CALCR: variants seen among roughly 807,000 people sequenced by gnomAD.
CALCR encodes the protein calcitonin receptor.
Under a neutral mutation model 59.5 loss-of-function variants are expected in CALCR, and 47 were observed. The observed-to-expected ratio is 0.79, with a 90% CI of 0.63 to 1.01. The LOEUF (loss-of-function observed/expected upper bound fraction) is 1.01, where lower values mean the gene tolerates loss of function less well. Among genes scored for constraint, CALCR ranks in the 50% least tolerant of loss-of-function variants. The pLI is 0.00. For synonymous variants in CALCR, 213 were observed against 211.3 expected (o/e 1.01, Z -0.07); for missense variants, 566 against 597.1 (o/e 0.95, Z 0.54).
At chr7:93,510,472 T>G (rs1801522070) in intron 2 of CALCR, among the ~76,000 whole-genome samples, 1 of 152,162 alleles carries the variant, frequency 6.6e-6, no homozygotes, top group African/African-American at 2.4e-5. Context: ...CAAAGGAGTT[T>G]TAGTTACTTG....
chr7:93,507,360 T>C (rs918033484), intron 2 of CALCR, among the ~76,000 whole-genome samples: 3 of 151,740 alleles, frequency 2.0e-5, no homozygotes, highest in Non-Finnish European at 4.4e-5. Context: ...AAAACATTAG[T>C]TTAGGAGCAG....
intron 2 of CALCR, among the ~76,000 whole-genome samples, chr7:93,526,291 A>T (rs1478042169): frequency 1.3e-5 from 2 of 152,104 alleles, no homozygotes; most frequent in Admixed American, 1.3e-4. Flanking sequence ...ATGAGATACC[A>T]TTTCCTTTGT....
intron 2 of CALCR, among the ~76,000 whole-genome samples, chr7:93,557,063 AT>A (rs772984964): frequency 6.6e-6 from 1 of 151,968 alleles, no homozygotes; most frequent in Admixed American, 6.6e-5. Flanking sequence ...GACTTCCTAC[AT>A]TTTGTCCTTT....
Position 93,443,594 on chromosome 7 carries a change from A to C in CALCR, c.802+10T>G. ...AAGTGACTCAAAACTTAGCTGCAGAAAATACATACCCCAGCCCAAGAGATA... is the reference window on the plus strand; with the variant it reads ...AAGTGACTCAAAACTTAGCTGCAGACAATACATACCCCAGCCCAAGAGATA... On this transcript the variant is annotated intron_variant, in intron 9 of 13. Transcript: ENST00000426151. The C allele has an allele frequency of 6.2e-7, 1 of 1,611,380 alleles. No homozygotes were observed. The highest frequency in any genetic ancestry group is 8.5e-7 in the Non-Finnish European group (1 of 1,178,742).
chr7:93,428,021 T>G (rs892112544), intron 13 of CALCR, among the ~76,000 whole-genome samples: 1 of 152,184 alleles, frequency 6.6e-6, no homozygotes, highest in Non-Finnish European at 1.5e-5. Flanking sequence ...TATTTTGTTT[T>G]GGGGTTAATG....
At chr7:93,511,918 A>T (rs1194298589) in intron 2 of CALCR, among the ~76,000 whole-genome samples, 1 of 152,230 alleles carries the variant, frequency 6.6e-6, no homozygotes, top group Non-Finnish European at 1.5e-5. Flanking sequence ...CTGGGTAGGC[A>T]TGCGCTATGG....
rs1431731427 is a variant in CALCR, at chr7:93,513,925, A to G, written c.-26-26918T>C. On this transcript the variant is annotated intron_variant, in intron 2 of 13. Transcript: ENST00000426151. ...TATTTCATTTCCAAAAATTATATAG[A>G]TATTTATTTTATTGTGACCTGGGCC... Among the ~76,000 whole-genome samples, 4 of 151,924 alleles carry G rather than the reference A, an allele frequency of 2.6e-5. No individual in the cohort carries two copies. In the East Asian group the frequency reaches 7.7e-4, roughly 29 times the overall value.
At chr7:93,542,373 ATATAGT>A (rs1480932003) in intron 2 of CALCR, among the ~76,000 whole-genome samples, 2 of 152,348 alleles carry the variant, frequency 1.3e-5, no homozygotes, top group East Asian at 3.9e-4. Context: ...TACAGTAGAA[ATATAGT>A]TTAAAAGATT....
At position 93,437,975 on chromosome 7, in the gene CALCR, A is replaced by G. The variant is rs1409639493; in HGVS notation, c.930+85T>C. The G allele has an allele frequency of 4.8e-5, 55 of 1,146,482 alleles. No homozygotes were observed. In the East Asian group the frequency reaches 1.2e-3, roughly 25 times the overall value. The allele number at this position is 1,146,482 out of a possible 1,614,324, so 71.0% of individuals were successfully genotyped here. A position where few individuals can be genotyped will look rare whatever the true frequency, so the allele number is the denominator to read the frequency against. Reference sequence around the variant, plus strand: ...AATTAGCTTCATTTTGAAGTTATAAAACATATGATACATAGAACTATATAC... The same window carrying G: ...AATTAGCTTCATTTTGAAGTTATAAGACATATGATACATAGAACTATATAC... On this transcript the variant is annotated intron_variant, in intron 11 of 13. Coordinates refer to ENST00000426151, the MANE Select transcript of CALCR (RefSeq NM_001742.4).
Position 93,426,322 on chromosome 7 carries a change from G to A in CALCR, c.*34C>T, listed in dbSNP as rs1799523890. ...ATGGTCTTTCTCCCAGGAAATGATG[G>A]CTCAGTGATCACGATGCTGTGTTTG... is the stretch of plus-strand genomic sequence containing the variant. On this transcript the variant is annotated 3_prime_UTR_variant, in exon 14 of 14. Transcript: ENST00000426151. 4 of 1,174,866 alleles carry A rather than the reference G, an allele frequency of 3.4e-6. No homozygotes were observed. The highest frequency in any genetic ancestry group is 3.0e-5 in the African/African-American group (2 of 66,470). The allele number at this position is 1,174,866 out of a possible 1,614,324, so 72.8% of individuals were successfully genotyped here.
Position 93,472,418 on chromosome 7 carries a change from GA to G in CALCR, c.385del (p.Ser129ProfsTer14). 6.2e-7 allele frequency: 1 copy of G among 1,610,348 alleles called. No individual in the cohort carries two copies. The highest frequency in any genetic ancestry group is 1.7e-5 in the Admixed American group (1 of 59,756). ...FKHPENNRTW[S>X]NYTMCNAFTP... is the part of the protein sequence containing the mutation. The stretch of plus-strand genomic sequence containing the variant: ...GAAAGCATTGCACATAGTATAGTTG[GA>G]CCAGGTTCGATTGTTTTCAGGATGT... On this transcript the variant is annotated frameshift_variant, in exon 6 of 14. Transcript: ENST00000426151. LOFTEE classifies it high-confidence loss of function.
intron 2 of CALCR, among the ~76,000 whole-genome samples, chr7:93,510,398 G>A (rs373877801): frequency 2.6e-5 from 4 of 152,252 alleles, no homozygotes; most frequent in African/African-American, 9.6e-5. Context: ...TGACAGCCCG[G>A]TGAAGACTCC....
chr7:93,557,070 C>T (rs972362569), intron 2 of CALCR, among the ~76,000 whole-genome samples: 2 of 151,880 alleles, frequency 1.3e-5, no homozygotes, highest in African/African-American at 4.8e-5. Flanking sequence ...TACATTTTGT[C>T]CTTTTTATTT....
intron 6 of CALCR, among the ~76,000 whole-genome samples, chr7:93,470,191 A>T (rs1164853364): frequency 6.6e-6 from 1 of 151,666 alleles, no homozygotes; most frequent in Non-Finnish European, 1.5e-5. Flanking sequence ...AAGTTAGAAT[A>T]GTTGGTTTAT....
At chr7:93,492,999 A>T (rs1801118422) in intron 2 of CALCR, among the ~76,000 whole-genome samples, 1 of 151,400 alleles carries the variant, frequency 6.6e-6, no homozygotes, top group South Asian at 2.1e-4. Context: ...GGGCTAAAAA[A>T]GTAGGTTTTG....
At chr7:93,430,889 C>A (rs1242532148) in intron 13 of CALCR, among the ~76,000 whole-genome samples, 1 of 152,162 alleles carries the variant, frequency 6.6e-6, no homozygotes, top group Non-Finnish European at 1.5e-5. Flanking sequence ...TATTGCTTAG[C>A]ATTGAGACTC....
chr7:93,516,995 C>T (rs937761042), intron 2 of CALCR, among the ~76,000 whole-genome samples: 1 of 151,684 alleles, frequency 6.6e-6, no homozygotes. Context: ...ATTGCGGTGG[C>T]TTTTTGCACA....
intron 11 of CALCR, among the ~76,000 whole-genome samples, chr7:93,436,484 T>C (rs1376099764): frequency 1.3e-5 from 2 of 152,196 alleles, no homozygotes; most frequent in African/African-American, 2.4e-5. Flanking sequence ...TATTACCTCA[T>C]TCTTGTTTTA....
chr7:93,468,577 C>T, intron 7 of CALCR, 138 bp downstream of exon 7: 1 of 566,924 alleles, frequency 1.8e-6, no homozygotes, highest in Admixed American at 3.4e-5. Flanking sequence ...ATTTTTCTTG[C>T]TACTTCATGA....
Sources: allele counts gnomAD v4.1 joint callset (sites outside exome capture counted in the v4.1 genomes callset), GRCh38; gene constraint gnomAD v4.1.1; transcripts MANE v1.5; gene names NCBI Gene and HGNC (gene_info 2026-07-23, HGNC 2026-07-21).